DCUN1D4: variants seen among roughly 807,000 people sequenced by gnomAD.
DCUN1D4 encodes the protein DCN1-like protein 4.
A neutral mutation model predicts 47.9 loss-of-function variants in DCUN1D4; 22 were observed. That is an observed-to-expected ratio of 0.46 (90% CI 0.33 to 0.66). DCUN1D4 has a LOEUF of 0.66. Among genes scored for constraint, DCUN1D4 ranks in the 30% least tolerant of loss-of-function variants. The probability of loss-of-function intolerance (pLI) is 0.02; values close to 1 mark genes in which losing one functional copy is unlikely to be tolerated. For missense variants in DCUN1D4, 301 were observed against 340.8 expected (o/e 0.88, Z 0.92); for synonymous variants, 121 against 112.2 (o/e 1.08, Z -0.50).
chr4:51,884,663 TTGAGTTTAGAGGGAAAGACAGA>T (rs1389097882), intron 5 of DCUN1D4, among the ~76,000 whole-genome samples: 1 of 152,218 alleles, frequency 6.6e-6, no homozygotes, highest in Non-Finnish European at 1.5e-5. Context: ...ACTCTTGCTC[TTGAGTTTAGAGGGAAAGACAGA>T]TGAGCTGGGA....
chr4:51,895,516 C>G (rs1038991364), intron 7 of DCUN1D4, among the ~76,000 whole-genome samples: 5 of 142,374 alleles, frequency 3.5e-5, no homozygotes, highest in Admixed American at 7.5e-5. Context: ...GACACAGCTC[C>G]TGTTTTGGTC....
chr4:51,846,363 A>G (rs949083578), intron 1 of DCUN1D4, among the ~76,000 whole-genome samples: 1 of 152,228 alleles, frequency 6.6e-6, no homozygotes, highest in Non-Finnish European at 1.5e-5. Context: ...TTGCCAGAAA[A>G]GAAGGCCTGC....
intron 3 of DCUN1D4, among the ~76,000 whole-genome samples, chr4:51,873,465 T>C (rs1727211408): frequency 6.6e-6 from 1 of 152,216 alleles, no homozygotes; most frequent in South Asian, 2.1e-4. Flanking sequence ...CAGATTCGAA[T>C]CCTGGCTTTG....
At chr4:51,868,116 C>G (rs1726263844) in intron 3 of DCUN1D4, among the ~76,000 whole-genome samples, 1 of 152,214 alleles carries the variant, frequency 6.6e-6, no homozygotes, top group African/African-American at 2.4e-5. Flanking sequence ...GACAAAGCAC[C>G]AGGAGTAGGG....
intron 1 of DCUN1D4, among the ~76,000 whole-genome samples, chr4:51,851,310 A>T (rs1723325626): frequency 6.6e-6 from 1 of 152,186 alleles, no homozygotes; most frequent in African/African-American, 2.4e-5. Context: ...GGTTAGATGG[A>T]TGCCCCGGGG....
chr4:51,876,158 G>T (rs1490714704), intron 4 of DCUN1D4, among the ~76,000 whole-genome samples: 1 of 151,992 alleles, frequency 6.6e-6, no homozygotes, highest in Non-Finnish European at 1.5e-5. Flanking sequence ...CAATAAAAAA[G>T]AATTATACCA....
chr4:51,840,565 T>C (rs902031091), upstream of DCUN1D4, among the ~76,000 whole-genome samples: 7 of 152,234 alleles, frequency 4.6e-5, no homozygotes, highest in Non-Finnish European at 1.0e-4. Context: ...AAAATGAAGA[T>C]GTTGGATTTG....
the DCUN1D4 span, among the ~76,000 whole-genome samples, chr4:51,836,544 T>A: frequency 6.6e-6 from 1 of 152,134 alleles, no homozygotes; most frequent in African/African-American, 2.4e-5. Flanking sequence ...GCCCCTGTGG[T>A]AGATTCAACT....
chr4:51,852,200 T>G (rs1723478978), intron 1 of DCUN1D4, among the ~76,000 whole-genome samples: 1 of 152,062 alleles, frequency 6.6e-6, no homozygotes, highest in Admixed American at 6.6e-5. Flanking sequence ...ACAATGAGAG[T>G]AGACATTTAA....
At chr4:51,845,466 C>CT (rs756095106) in intron 1 of DCUN1D4, among the ~76,000 whole-genome samples, 30 of 152,150 alleles carry the variant, frequency 2.0e-4, no homozygotes, top group Admixed American at 2.0e-3. Flanking sequence ...AACCATAAGA[C>CT]TTTTTTTGTT....
At position 51,843,155 on chromosome 4, in the gene DCUN1D4, C is replaced by G; in HGVS notation, c.-88C>G. On this transcript the variant is annotated 5_prime_UTR_variant, in exon 1 of 11. Transcript: ENST00000334635. ...GGAGTGCCCGGCGGCGGGTCCTCAG[C>G]TTCGAGCCGAGGTGCAGTGAGCTGG... The G allele has an allele frequency of 6.6e-7, 1 of 1,520,026 alleles. No homozygotes were observed. Among genetic ancestry groups the G allele is most frequent in the Non-Finnish European group, 8.8e-7 (1 of 1,134,364 alleles). The allele number at this position is 1,520,026 out of a possible 1,614,324, so 94.2% of individuals were successfully genotyped here.
intron 3 of DCUN1D4, among the ~76,000 whole-genome samples, chr4:51,873,384 G>A (rs1042270236): frequency 6.6e-6 from 1 of 152,230 alleles, no homozygotes; most frequent in Non-Finnish European, 1.5e-5. Flanking sequence ...CTTGTACCAA[G>A]GTGGGGTATT....
chr4:51,860,146 TCTC>T (rs541150083), intron 1 of DCUN1D4, among the ~76,000 whole-genome samples: 20 of 152,324 alleles, frequency 1.3e-4, no homozygotes, highest in Admixed American at 9.2e-4. Flanking sequence ...TGTCTTAACT[TCTC>T]CTTATGTTGA....
At chr4:51,838,295 G>A (rs891515588), upstream of DCUN1D4, among the ~76,000 whole-genome samples, 3 of 152,146 alleles carry the variant, frequency 2.0e-5, no homozygotes, top group African/African-American at 7.2e-5. Context: ...TAATCCTTCT[G>A]ACCCATACTT....
At chr4:51,879,721 T>A (rs1186113169) in intron 5 of DCUN1D4, among the ~76,000 whole-genome samples, 2 of 152,258 alleles carry the variant, frequency 1.3e-5, no homozygotes, top group Admixed American at 6.5e-5. Flanking sequence ...TGCTTTCCTA[T>A]ATTGATTCAC....
chr4:51,864,250 A>G (rs947146201), intron 3 of DCUN1D4, among the ~76,000 whole-genome samples: 10 of 152,130 alleles, frequency 6.6e-5, no homozygotes, highest in African/African-American at 2.4e-4. Flanking sequence ...CTGGTTCTGT[A>G]GACTTGGGGT....
chr4:51,908,991 T>C (rs1733313649), intron 8 of DCUN1D4: 2 of 456,286 alleles, frequency 4.4e-6, no homozygotes, highest in Non-Finnish European at 4.4e-6. Flanking sequence ...TGAGTGCTGT[T>C]CAGCTTTCCA....
At chr4:51,863,883 A>C (rs1221875195) in intron 3 of DCUN1D4, among the ~76,000 whole-genome samples, 174 bp downstream of exon 3, 1 of 152,204 alleles carries the variant, frequency 6.6e-6, no homozygotes, top group Non-Finnish European at 1.5e-5. Context: ...GCTTCTTCCC[A>C]GTAGGAAATC....
chr4:51,894,123 G>A (rs1311043247), intron 7 of DCUN1D4, among the ~76,000 whole-genome samples: 2 of 152,168 alleles, frequency 1.3e-5, no homozygotes, highest in African/African-American at 2.4e-5. Context: ...ATTGCCACTT[G>A]ATCCTTGCAA....
Sources: allele counts gnomAD v4.1 joint callset (sites outside exome capture counted in the v4.1 genomes callset), GRCh38; gene constraint gnomAD v4.1.1; transcripts MANE v1.5; gene names NCBI Gene and HGNC (gene_info 2026-07-23, HGNC 2026-07-21).